FNDC3A: variants seen among roughly 807,000 people sequenced by gnomAD.
The protein encoded by FNDC3A is fibronectin type III domain containing 3A.
In FNDC3A, 32 loss-of-function variants were observed where a neutral mutation model predicts 148.9. The observed-to-expected ratio is 0.21, with a 90% CI of 0.16 to 0.29. The LOEUF (loss-of-function observed/expected upper bound fraction) is 0.29, where lower values mean the gene tolerates loss of function less well. Ranked by LOEUF, FNDC3A falls within the 10% of genes least tolerant of loss-of-function variation. The pLI is 1.00. For missense variants in FNDC3A, 1,191 were observed against 1,452.8 expected (o/e 0.82, Z 2.93); for synonymous variants, 472 against 473.6 (o/e 1.00, Z 0.04).
At chr13:49,165,960 G>T (rs1884434698) in intron 8 of FNDC3A, among the ~76,000 whole-genome samples, 1 of 152,142 alleles carries the variant, frequency 6.6e-6, no homozygotes, top group African/African-American at 2.4e-5. Context: ...GATGGACTGG[G>T]CTAGGTAGTC....
At chr13:49,206,770 T>C (rs1022897529) in intron 25 of FNDC3A, among the ~76,000 whole-genome samples, 1 of 152,226 alleles carries the variant, frequency 6.6e-6, no homozygotes, top group Non-Finnish European at 1.5e-5. Context: ...CTTCTTACAT[T>C]TGAGAAAAGC....
intron 2 of FNDC3A, among the ~76,000 whole-genome samples, chr13:49,059,326 T>C (rs774641176): frequency 6.6e-6 from 1 of 152,330 alleles, no homozygotes; most frequent in Non-Finnish European, 1.5e-5. Flanking sequence ...TTCTTAAATA[T>C]GACACTGAAA....
intron 4 of FNDC3A, among the ~76,000 whole-genome samples, chr13:49,119,274 G>A (rs1489822814): frequency 6.6e-6 from 1 of 152,192 alleles, no homozygotes; most frequent in Non-Finnish European, 1.5e-5. Context: ...CTGACTACTA[G>A]AAGGAAAGTA....
intron 1 of FNDC3A, among the ~76,000 whole-genome samples, chr13:48,980,844 G>T (rs1031948108): frequency 1.3e-5 from 2 of 152,068 alleles, no homozygotes; most frequent in African/African-American, 4.8e-5. Flanking sequence ...TCATTAAGCA[G>T]GCATCAGTAC....
intron 2 of FNDC3A, among the ~76,000 whole-genome samples, chr13:49,027,431 A>G (rs886734914): frequency 6.6e-6 from 1 of 152,244 alleles, no homozygotes; most frequent in Non-Finnish European, 1.5e-5. Context: ...ACCAGTAAAC[A>G]TAACCAGGTA....
At chr13:49,119,447 G>A (rs1881188872) in intron 4 of FNDC3A, among the ~76,000 whole-genome samples, 1 of 152,072 alleles carries the variant, frequency 6.6e-6, no homozygotes, top group African/African-American at 2.4e-5. Context: ...AAGGATCACA[G>A]CTCCTTGCCA....
chr13:48,984,458 T>C (rs1462975567), intron 1 of FNDC3A, among the ~76,000 whole-genome samples: 1 of 151,994 alleles, frequency 6.6e-6, no homozygotes, highest in East Asian at 1.9e-4. Context: ...GAATTTGGAG[T>C]AGGAATAGGC....
chr13:49,154,083 G>A (rs1430771109), intron 8 of FNDC3A, among the ~76,000 whole-genome samples: 102 of 121,366 alleles, frequency 8.4e-4, no homozygotes, highest in East Asian at 2.7e-3. Context: ...GATGGGGATG[G>A]CATTGAATCT....
intron 2 of FNDC3A, chr13:49,045,507 TTAAA>T (rs1875325892): frequency 4.1e-6 from 1 of 243,672 alleles, no homozygotes; most frequent in Non-Finnish European, 8.5e-6. Context: ...AAGATATAAA[TTAAA>T]TAAATAACCC....
chr13:49,115,803 A>G (rs767452141), intron 4 of FNDC3A, among the ~76,000 whole-genome samples: 6 of 152,146 alleles, frequency 3.9e-5, no homozygotes, highest in South Asian at 2.1e-4. Flanking sequence ...CATTCTGTCT[A>G]TATTACTCTA....
intron 7 of FNDC3A, among the ~76,000 whole-genome samples, chr13:49,139,532 T>A (rs912159448): frequency 1.3e-5 from 2 of 152,238 alleles, no homozygotes; most frequent in African/African-American, 4.8e-5. Context: ...AAAGGCTTTT[T>A]AAGCTTATCT....
rs370863846 is a variant in FNDC3A, at chr13:49,114,642, G to A, written c.176-13G>A. 5 of 1,588,776 alleles carry A rather than the reference G, an allele frequency of 3.1e-6. No homozygotes were observed. The highest frequency in any genetic ancestry group is 4.3e-6 in the Non-Finnish European group (5 of 1,157,098). On this transcript the variant is annotated splice_polypyrimidine_tract_variant and intron_variant, in intron 3 of 25. Transcript: ENST00000492622. Reference sequence around the variant, plus strand: ...AATCATGGGTTAATACATCATTTATGTGACCCATTCAGGTCCTGCTCAGGT... The same window carrying A: ...AATCATGGGTTAATACATCATTTATATGACCCATTCAGGTCCTGCTCAGGT...
chr13:49,206,963 T>C, intron 25 of FNDC3A, 118 bp from the exon 26 acceptor site: 1 of 681,842 alleles, frequency 1.5e-6, no homozygotes, highest in Non-Finnish European at 2.5e-6. Flanking sequence ...ATTTAAAAGA[T>C]AAAATCAATG....
chr13:49,090,862 T>C (rs1879146040), intron 3 of FNDC3A, among the ~76,000 whole-genome samples: 1 of 151,976 alleles, frequency 6.6e-6, no homozygotes, highest in Admixed American at 6.6e-5. Context: ...GGCATGGTGG[T>C]GTATGCCTGT....
intron 8 of FNDC3A, among the ~76,000 whole-genome samples, chr13:49,160,205 C>T (rs1194460286): frequency 6.6e-6 from 1 of 152,196 alleles, no homozygotes; most frequent in Non-Finnish European, 1.5e-5. Flanking sequence ...ACCAGCTCCT[C>T]TTTATACCTG....
rs538805634 is a variant in FNDC3A, at chr13:49,048,588, G to T, written c.100-26701G>T. On this transcript the variant is annotated intron_variant, in intron 2 of 25. Transcript: ENST00000492622. ...TTATATTTTTGCAGCTATTGTGAAA[G>T]AAGTTGAGTTCTTGATTTGATTCTC... 1.3e-3 allele frequency among the ~76,000 whole-genome samples: 192 copies of T among 152,238 alleles called. 1 individual carries two copies. The highest frequency in any genetic ancestry group is 0.01 in the Middle Eastern group (3 of 294).
intron 13 of FNDC3A, 49 bp downstream of exon 13, chr13:49,175,590 T>G: frequency 2.8e-5 from 37 of 1,324,022 alleles, no homozygotes; most frequent in Non-Finnish European, 3.8e-5. Context: ...CATTTTCAGC[T>G]TAAGGAGATT....
At chr13:49,152,513 G>T (rs9535158) in intron 8 of FNDC3A, among the ~76,000 whole-genome samples, 151,348 of 151,552 alleles carry the variant, frequency 1, 75,573 homozygotes, top group Middle Eastern at 1. Flanking sequence ...AAATTGTTTG[G>T]TTTTTTTTTA....
intron 8 of FNDC3A, among the ~76,000 whole-genome samples, chr13:49,152,625 G>T (rs1390115961): frequency 6.6e-6 from 1 of 151,582 alleles, no homozygotes; most frequent in Admixed American, 6.6e-5. Flanking sequence ...CCACTAACTC[G>T]TCATCTAGCA....
Sources: gnomAD v4.1 joint callset for allele counts (sites outside exome capture counted in the v4.1 genomes callset) on GRCh38, gnomAD v4.1.1 for gene constraint, MANE v1.5 for transcripts, NCBI Gene and HGNC (gene_info 2026-07-23, HGNC 2026-07-21) for gene names.